Variants in TMEM163 observed in about 807,000 individuals in gnomAD.
TMEM163 encodes the protein transmembrane protein 163.
Under a neutral mutation model 29.3 loss-of-function variants are expected in TMEM163, and 17 were observed. The observed-to-expected ratio is 0.58, with a 90% CI of 0.40 to 0.87. The LOEUF (loss-of-function observed/expected upper bound fraction) is 0.87. TMEM163 is among the 40% of genes least tolerant of loss of function. The probability of loss-of-function intolerance (pLI) is 0.00; values close to 1 mark genes in which losing one functional copy is unlikely to be tolerated. For missense variants in TMEM163, 303 were observed against 381.5 expected, an observed-to-expected ratio of 0.79 and a Z score of 1.71; for synonymous variants, 157 against 160.6, an observed-to-expected ratio of 0.98 and a Z score of 0.17.
intron 4 of TMEM163, among the ~76,000 whole-genome samples, chr2:134,514,041 G>A (rs555551415): frequency 2.3e-4 from 35 of 152,330 alleles, no homozygotes; most frequent in Non-Finnish European, 3.4e-4. Context: ...AGCATGCCGC[G>A]TCTTTCCAGG....
At chr2:134,673,329 A>G (rs1326477462) in intron 2 of TMEM163, among the ~76,000 whole-genome samples, 1 of 152,080 alleles carries the variant, frequency 6.6e-6, no homozygotes, top group Non-Finnish European at 1.5e-5. Flanking sequence ...CTCAGCCACT[A>G]TGAATGCAGA....
chr2:134,511,099 G>A (rs1326389268), intron 4 of TMEM163, among the ~76,000 whole-genome samples: 1 of 136,192 alleles, frequency 7.3e-6, no homozygotes, highest in Non-Finnish European at 1.5e-5. Flanking sequence ...ATGAACACAT[G>A]AACACCCTGT....
chr2:134,518,577 G>A (rs930260516), intron 4 of TMEM163, among the ~76,000 whole-genome samples: 11 of 152,234 alleles, frequency 7.2e-5, no homozygotes, highest in African/African-American at 1.9e-4. Context: ...ACTCGGGGTC[G>A]CGTAAAAGAC....
chr2:134,588,646 C>T (rs149140398), intron 2 of TMEM163, among the ~76,000 whole-genome samples: 52 of 152,262 alleles, frequency 3.4e-4, no homozygotes, highest in African/African-American at 1.2e-3. Context: ...ATACAAAGAA[C>T]AAATGCTAGA....
rs1194422700 is a variant in TMEM163, at chr2:134,718,909, G to A, written c.27C>T (p.Arg9=). 7.4e-6 allele frequency: 8 copies of A among 1,074,702 alleles called. No individual in the cohort carries two copies. The highest frequency in any genetic ancestry group is 4.2e-4 in the Middle Eastern group (1 of 2,400). 66.6% of individuals were successfully genotyped at this position (1,074,702 alleles called of 1,614,324 possible). A position where few individuals can be genotyped will look rare whatever the true frequency, so the allele number is the denominator to read the frequency against. MEPAAGIQ[R]RSSQGPTVPP... is the part of the protein sequence containing the mutation. Reference sequence around the variant, plus strand: ...GGACGGTGGGCCCCTGGGAGCTGCGGCGCTGGATGCCCGCGGCCGGCTCCA... The same window carrying A: ...GGACGGTGGGCCCCTGGGAGCTGCGACGCTGGATGCCCGCGGCCGGCTCCA... The change falls in exon 1 of 8, where the codon CGC becomes CGT. Residue 9 remains arginine (R), a synonymous_variant. Coordinates refer to ENST00000281924, the MANE Select transcript of TMEM163 (RefSeq NM_030923.5).
At chr2:134,682,181 C>G (rs117648522) in intron 2 of TMEM163, among the ~76,000 whole-genome samples, 5 of 152,160 alleles carry the variant, frequency 3.3e-5, no homozygotes, top group African/African-American at 1.2e-4. Context: ...CATGGGACTG[C>G]GGTTAATCCA....
intron 2 of TMEM163, among the ~76,000 whole-genome samples, chr2:134,571,615 G>A (rs1374865424): frequency 6.6e-6 from 1 of 152,162 alleles, no homozygotes; most frequent in African/African-American, 2.4e-5. Context: ...CACACCCATG[G>A]CTAAGATTTA....
At chr2:134,597,563 G>T (rs1372949350) in intron 2 of TMEM163, among the ~76,000 whole-genome samples, 2 of 152,184 alleles carry the variant, frequency 1.3e-5, no homozygotes, top group African/African-American at 2.4e-5. Context: ...AGGGATATTG[G>T]TCTAAAATTC....
At chr2:134,550,737 G>C in intron 3 of TMEM163, 76 bp from the exon 4 acceptor site, 2 of 1,381,504 alleles carry the variant, frequency 1.4e-6, no homozygotes, top group Non-Finnish European at 2.1e-6. Flanking sequence ...GGACAACTGT[G>C]CTGTGACTCA....
At chr2:134,545,187 G>A (rs1317444363) in intron 4 of TMEM163, among the ~76,000 whole-genome samples, 1 of 152,094 alleles carries the variant, frequency 6.6e-6, no homozygotes, top group Non-Finnish European at 1.5e-5. Flanking sequence ...CTTTAGAGTG[G>A]CTGCATAGCA....
intron 2 of TMEM163, among the ~76,000 whole-genome samples, chr2:134,642,198 C>T (rs1683237353): frequency 6.6e-6 from 1 of 151,522 alleles, no homozygotes; most frequent in Non-Finnish European, 1.5e-5. Flanking sequence ...GATCTCAGTT[C>T]ACTGTAACCA....
At chr2:134,672,694 A>T (rs1282146286) in intron 2 of TMEM163, among the ~76,000 whole-genome samples, 2 of 152,092 alleles carry the variant, frequency 1.3e-5, no homozygotes, top group African/African-American at 4.8e-5. Flanking sequence ...TGAATTTATC[A>T]GCTCCCTCCC....
At chr2:134,495,259 C>A (rs957183989) in intron 5 of TMEM163, among the ~76,000 whole-genome samples, 1 of 152,164 alleles carries the variant, frequency 6.6e-6, no homozygotes, top group Non-Finnish European at 1.5e-5. Flanking sequence ...AGCCACATTT[C>A]CAAGTAGGAA....
At chr2:134,544,062 G>A (rs1286491008) in intron 4 of TMEM163, among the ~76,000 whole-genome samples, 2 of 152,142 alleles carry the variant, frequency 1.3e-5, no homozygotes, top group East Asian at 3.9e-4. Context: ...AGCTGGGCCT[G>A]GGGACCCTCC....
intron 3 of TMEM163, among the ~76,000 whole-genome samples, chr2:134,551,035 A>G (rs1680908659): frequency 6.6e-6 from 1 of 151,908 alleles, no homozygotes; most frequent in African/African-American, 2.4e-5. Flanking sequence ...TCTATTTTTG[A>G]CTCTCAACGG....
chr2:134,491,064 G>A (rs1679418096), intron 5 of TMEM163, among the ~76,000 whole-genome samples: 1 of 152,118 alleles, frequency 6.6e-6, no homozygotes, highest in Non-Finnish European at 1.5e-5. Flanking sequence ...AAACCTTACA[G>A]AGAGAAAGAA....
chr2:134,695,163 G>A (rs1054586147), intron 2 of TMEM163, among the ~76,000 whole-genome samples: 4 of 152,176 alleles, frequency 2.6e-5, no homozygotes, highest in East Asian at 1.9e-4. Context: ...TGCAACCTCC[G>A]CCTCCCGGAT....
chr2:134,715,400 C>T (rs1685016890), intron 1 of TMEM163, among the ~76,000 whole-genome samples: 3 of 152,158 alleles, frequency 2.0e-5, no homozygotes, highest in Admixed American at 6.5e-5. Context: ...AGCATTACGA[C>T]CAGTACTTCT....
intron 2 of TMEM163, among the ~76,000 whole-genome samples, chr2:134,661,450 C>T (rs1271412430): frequency 6.6e-6 from 1 of 152,202 alleles, no homozygotes; most frequent in Non-Finnish European, 1.5e-5. Flanking sequence ...GAAAGGAATG[C>T]AGCCACATTC....
Sources: allele counts gnomAD v4.1 joint callset (sites outside exome capture counted in the v4.1 genomes callset), GRCh38; gene constraint gnomAD v4.1.1; transcripts MANE v1.5; gene names NCBI Gene and HGNC (gene_info 2026-07-23, HGNC 2026-07-21).